ZDHHC20: variants seen among roughly 807,000 people sequenced by gnomAD.
ZDHHC20 encodes the protein palmitoyltransferase ZDHHC20.
ZDHHC20 carries 43 observed loss-of-function variants against 57.8 expected under a neutral mutation model. That is an observed-to-expected ratio of 0.74 (90% CI 0.58 to 0.96). The LOEUF (loss-of-function observed/expected upper bound fraction) is 0.96, where lower values mean the gene tolerates loss of function less well. ZDHHC20 is among the 40% of genes least tolerant of loss of function. The pLI is 0.00. For missense variants in ZDHHC20, 391 were observed against 441.1 expected (o/e 0.89, Z 1.02); for synonymous variants, 157 against 153.0 (o/e 1.03, Z -0.19).
At chr13:21,450,783 C>A (rs376509546) in intron 1 of ZDHHC20, among the ~76,000 whole-genome samples, 304 of 148,736 alleles carry the variant, frequency 2.0e-3, no homozygotes, top group Non-Finnish European at 3.7e-3. Flanking sequence ...GAGACAGGGT[C>A]TCACTCTGTA....
chr13:21,401,308 A>C (rs975451121), intron 6 of ZDHHC20, among the ~76,000 whole-genome samples: 3 of 152,142 alleles, frequency 2.0e-5, no homozygotes, highest in Non-Finnish European at 2.9e-5. Flanking sequence ...AACACAAAGA[A>C]AGACAAATCA....
chr13:21,389,642 T>C (rs188823110), intron 8 of ZDHHC20, among the ~76,000 whole-genome samples: 62 of 152,274 alleles, frequency 4.1e-4, no homozygotes, highest in African/African-American at 1.5e-3. Context: ...CTCACATACC[T>C]ACGGGGGCTG....
rs573338754 is a variant in ZDHHC20 at position 21,456,378 on chromosome 13, C to G, written c.118+2676G>C. Among the ~76,000 whole-genome samples the G allele has an allele frequency of 6.6e-5, 10 of 152,202 alleles. No individual in the cohort carries two copies. The South Asian group carries it at 2.1e-3, about 32-fold the overall frequency. On this transcript the variant is annotated intron_variant, in intron 1 of 12. Transcript: ENST00000400590. ...TGAGCCAAGATCGCATCATTGCACT[C>G]CAGCCTGGGCAACAAGAGTGAAACT...
intron 5 of ZDHHC20, among the ~76,000 whole-genome samples, chr13:21,402,376 T>C (rs1209177715): frequency 2.6e-5 from 4 of 152,176 alleles, no homozygotes; most frequent in East Asian, 1.9e-4. Context: ...TCTATACTTA[T>C]ATGAAGGTAG....
chr13:21,386,680 CTGGGACTACAGGTG>C (rs1874559089), intron 9 of ZDHHC20, among the ~76,000 whole-genome samples: 1 of 152,158 alleles, frequency 6.6e-6, no homozygotes, highest in Non-Finnish European at 1.5e-5. Context: ...TCCCGAGTAG[CTGGGACTACAGGTG>C]TGCGCCACCA....
rs1192915114 is a variant in ZDHHC20, at chr13:21,421,173, TA to T, written c.146-10del. The T allele has an allele frequency of 3.1e-6, 5 of 1,606,626 alleles. No homozygotes were observed. Among genetic ancestry groups the T allele is most frequent in the Admixed American group, 1.7e-5 (1 of 59,654 alleles). On this transcript the variant is annotated splice_polypyrimidine_tract_variant and intron_variant, in intron 2 of 12. Transcript: ENST00000400590. ...GTAAACAACGGTCTTTCCTGGTAAA[TA>T]AAAACAAATAACAGTTCATTGAATC...
chr13:21,436,944 G>A (rs1478268552), intron 1 of ZDHHC20, among the ~76,000 whole-genome samples: 5 of 152,126 alleles, frequency 3.3e-5, no homozygotes, highest in Non-Finnish European at 7.3e-5. Flanking sequence ...TTTGGCCCAC[G>A]TTGTGTACGT....
chr13:21,382,979 G>A lies in ZDHHC20; in HGVS notation c.885C>T (p.Arg295=). The change falls in exon 10 of 13, where the codon CGC becomes CGT. Residue 295 remains arginine (R), a synonymous_variant. Coordinates refer to ENST00000400590, the MANE Select transcript of ZDHHC20 (RefSeq NM_001330059.2). ...CTTGTTCTGGATCCATCCCCACAAG[G>A]CGAGTTGGAAAACTGCAACCATCAC... ...SLGDGCSFPT[R]LVGMDPEQAS... 1.3e-6 allele frequency: 2 copies of A among 1,563,126 alleles called. No homozygotes were observed. Among genetic ancestry groups the A allele is most frequent in the Non-Finnish European group, 1.7e-6 (2 of 1,152,724 alleles).
intron 1 of ZDHHC20, among the ~76,000 whole-genome samples, chr13:21,444,558 A>C (rs1334902568): frequency 1.3e-5 from 2 of 152,240 alleles, no homozygotes; most frequent in African/African-American, 4.8e-5. Context: ...TAGTAAATTT[A>C]TGTTGTTCTA....
chr13:21,448,259 C>A, intron 1 of ZDHHC20, among the ~76,000 whole-genome samples: 1 of 83,336 alleles, frequency 1.2e-5, no homozygotes, highest in African/African-American at 3.9e-5. Context: ...TGCCCGGCCG[C>A]CCCTACTGGG....
chr13:21,396,865 A>C (rs1876874066), intron 7 of ZDHHC20, among the ~76,000 whole-genome samples: 1 of 149,066 alleles, frequency 6.7e-6, no homozygotes, highest in Non-Finnish European at 1.5e-5. Flanking sequence ...AAAACTCAGA[A>C]AATGTGGAAA....
intron 7 of ZDHHC20, among the ~76,000 whole-genome samples, 194 bp from the exon 8 acceptor site, chr13:21,392,048 T>C (rs967033079): frequency 1.3e-5 from 2 of 152,038 alleles, no homozygotes; most frequent in African/African-American, 4.8e-5. Flanking sequence ...TATCTAGGAG[T>C]TCAGGAAGAG....
intron 1 of ZDHHC20, among the ~76,000 whole-genome samples, chr13:21,442,326 C>CA: frequency 6.6e-6 from 1 of 152,210 alleles, no homozygotes. Flanking sequence ...TCTTCAATCA[C>CA]ATCTGTTCAC....
intron 11 of ZDHHC20, 40 bp from the exon 12 acceptor site, chr13:21,378,778 A>G (rs1416309720): frequency 1.7e-6 from 2 of 1,206,862 alleles, no homozygotes. Context: ...CAAAAAAAAA[A>G]AAAAAAAGAA....
At chr13:21,447,216 G>A (rs1013147081) in intron 1 of ZDHHC20, among the ~76,000 whole-genome samples, 10 of 116,384 alleles carry the variant, frequency 8.6e-5, no homozygotes, top group South Asian at 3.6e-4. Context: ...TGTGAGAGAG[G>A]GAGCGTGGAG....
At chr13:21,409,747 G>A (rs1878957099) in intron 4 of ZDHHC20, among the ~76,000 whole-genome samples, 1 of 152,030 alleles carries the variant, frequency 6.6e-6, no homozygotes, top group South Asian at 2.1e-4. Context: ...CAAGTCAAAG[G>A]TTCTTCTCTA....
chr13:21,388,811 G>C (rs1394406822), intron 8 of ZDHHC20, among the ~76,000 whole-genome samples: 4 of 152,164 alleles, frequency 2.6e-5, no homozygotes, highest in African/African-American at 7.2e-5. Flanking sequence ...AGGATGGCTG[G>C]ATAACCAGAG....
At chr13:21,442,734 G>C (rs950333434) in intron 1 of ZDHHC20, among the ~76,000 whole-genome samples, 1 of 151,600 alleles carries the variant, frequency 6.6e-6, no homozygotes, top group Non-Finnish European at 1.5e-5. Context: ...CAGCCTGGAC[G>C]ACAGAGCGAG....
At chr13:21,394,485 C>G (rs1395769305) in intron 7 of ZDHHC20, among the ~76,000 whole-genome samples, 1 of 152,144 alleles carries the variant, frequency 6.6e-6, no homozygotes, top group East Asian at 1.9e-4. Flanking sequence ...AAAGAGAGAA[C>G]TCTGCCCGTT....
Sources: allele counts gnomAD v4.1 joint callset (sites outside exome capture counted in the v4.1 genomes callset), GRCh38; gene constraint gnomAD v4.1.1; transcripts MANE v1.5; gene names NCBI Gene and HGNC (gene_info 2026-07-23, HGNC 2026-07-21).